The following EVA1C variants were observed in gnomAD, a reference collection of about 807,000 sequenced individuals.
EVA1C encodes the protein protein eva-1 homolog C.
EVA1C carries 25 observed loss-of-function variants against 45.4 expected under a neutral mutation model. That is an observed-to-expected ratio of 0.55 (90% CI 0.40 to 0.77). The LOEUF (loss-of-function observed/expected upper bound fraction) is 0.77. Ranked by LOEUF, EVA1C falls within the 30% of genes least tolerant of loss-of-function variation. The pLI is 0.00. For missense variants in EVA1C, 479 were observed against 554.8 expected (o/e 0.86, Z 1.37); for synonymous variants, 190 against 221.2 (o/e 0.86, Z 1.25).
intron 4 of EVA1C, among the ~76,000 whole-genome samples, chr21:32,490,944 A>T (rs2146388675): frequency 6.6e-6 from 1 of 152,324 alleles, no homozygotes; most frequent in East Asian, 1.9e-4. Flanking sequence ...TTCGTCCCAT[A>T]ATTCTTTGAG....
chr21:32,458,209 C>T (rs1020204299), intron 3 of EVA1C, among the ~76,000 whole-genome samples: 1 of 152,224 alleles, frequency 6.6e-6, no homozygotes, highest in Non-Finnish European at 1.5e-5. Context: ...GCAGGGGCTC[C>T]TTGTTCCCCA....
intron 4 of EVA1C, among the ~76,000 whole-genome samples, chr21:32,479,987 T>C (rs1390003541): frequency 6.6e-6 from 1 of 152,072 alleles, no homozygotes; most frequent in Non-Finnish European, 1.5e-5. Flanking sequence ...TCTGGATAAG[T>C]TTGGCAGTAT....
intron 1 of EVA1C, among the ~76,000 whole-genome samples, chr21:32,447,793 C>T (rs1205784029): frequency 1.3e-5 from 2 of 152,194 alleles, no homozygotes; most frequent in Non-Finnish European, 2.9e-5. Context: ...GCAACCTCTA[C>T]CTCCCAGATT....
intron 2 of EVA1C, among the ~76,000 whole-genome samples, chr21:32,455,891 CTT>C (rs1262503038): frequency 6.6e-6 from 1 of 152,040 alleles, no homozygotes; most frequent in Non-Finnish European, 1.5e-5. Context: ...ACTTTTGTGT[CTT>C]TTTTGTTTGT....
chr21:32,508,265 C>T (rs1456908898), intron 7 of EVA1C, among the ~76,000 whole-genome samples: 1 of 152,142 alleles, frequency 6.6e-6, no homozygotes, highest in East Asian at 1.9e-4. Context: ...CTTTTGTGGC[C>T]TAATATTTCC....
intron 3 of EVA1C, among the ~76,000 whole-genome samples, chr21:32,466,288 G>A (rs894974570): frequency 1.2e-4 from 18 of 151,922 alleles, no homozygotes; most frequent in South Asian, 2.1e-4. Flanking sequence ...ATGTGGTGGC[G>A]GGTGCCTGTA....
intron 4 of EVA1C, 148 bp downstream of exon 4, chr21:32,467,996 C>T (rs1354978591): frequency 2.9e-5 from 12 of 419,616 alleles, no homozygotes; most frequent in Non-Finnish European, 4.5e-5. Context: ...TAAGTTAATA[C>T]TTAATAAACT....
At chr21:32,430,495 C>T (rs1453571963) in intron 1 of EVA1C, among the ~76,000 whole-genome samples, 1 of 152,164 alleles carries the variant, frequency 6.6e-6, no homozygotes. Flanking sequence ...AGTCCATTCT[C>T]ACTCTGCTAA....
intron 4 of EVA1C, among the ~76,000 whole-genome samples, chr21:32,471,653 G>C: frequency 6.8e-6 from 1 of 147,380 alleles, no homozygotes; most frequent in African/African-American, 2.5e-5. Context: ...TTTTTAGACG[G>C]AGTCTTGCTC....
rs1301452469 is a variant in EVA1C, at chr21:32,497,442, T to C, written c.778+2272T>C. ...AGGTATGAAGGTACATATTATCTTA[T>C]TGGAGTCCTAATTAAAATATTTTTA... On this transcript the variant is annotated intron_variant, in intron 5 of 7. Coordinates refer to ENST00000300255, the MANE Select transcript of EVA1C (RefSeq NM_058187.5). The C allele has an allele frequency of 2.7e-5, 6 of 221,094 alleles. 1 individual carries two copies. The South Asian group carries it at 3.1e-4, about 12-fold the overall frequency. The allele number at this position is 221,094 out of a possible 1,614,324, so 13.7% of individuals were successfully genotyped here.
At chr21:32,417,469 C>A (rs2034094847) in intron 1 of EVA1C, among the ~76,000 whole-genome samples, 1 of 152,182 alleles carries the variant, frequency 6.6e-6, no homozygotes, top group African/African-American at 2.4e-5. Flanking sequence ...CAAATGATCT[C>A]ATTTTCATGT....
At chr21:32,512,572 G>A (rs1351259769) in intron 7 of EVA1C, among the ~76,000 whole-genome samples, 1 of 152,160 alleles carries the variant, frequency 6.6e-6, no homozygotes, top group East Asian at 1.9e-4. Flanking sequence ...ACTGGGAGAG[G>A]AGGGGAGGGG....
intron 3 of EVA1C, 76 bp downstream of exon 3, chr21:32,457,796 T>G: frequency 1.3e-6 from 2 of 1,561,870 alleles, no homozygotes; most frequent in Non-Finnish European, 1.8e-6. Context: ...CAAAATTCTC[T>G]GCCCGTTGGC....
intron 4 of EVA1C, among the ~76,000 whole-genome samples, chr21:32,472,011 G>GT (rs1300500588): frequency 6.6e-6 from 1 of 152,174 alleles, no homozygotes; most frequent in Non-Finnish European, 1.5e-5. Context: ...AGAAGCAGCA[G>GT]TAAGTAACAT....
chr21:32,413,149 T>C, intron 1 of EVA1C, 136 bp downstream of exon 1: 1 of 715,426 alleles, frequency 1.4e-6, no homozygotes, highest in Non-Finnish European at 2.0e-6. Context: ...ACTTGTCTGG[T>C]GTGAGCCCTT....
chr21:32,503,317 G>A (rs982066058), intron 6 of EVA1C, among the ~76,000 whole-genome samples: 1 of 152,156 alleles, frequency 6.6e-6, no homozygotes, highest in African/African-American at 2.4e-5. Flanking sequence ...AGGCCGAGGC[G>A]GGCAGATCAC....
At chr21:32,456,079 A>G (rs984191439) in intron 2 of EVA1C, among the ~76,000 whole-genome samples, 2 of 152,152 alleles carry the variant, frequency 1.3e-5, no homozygotes, top group Non-Finnish European at 2.9e-5. Context: ...TTTAGTAGAG[A>G]CAGGGTTTCA....
At chr21:32,416,000 A>T (rs1568852393) in intron 1 of EVA1C, among the ~76,000 whole-genome samples, 1 of 152,234 alleles carries the variant, frequency 6.6e-6, no homozygotes, top group Non-Finnish European at 1.5e-5. Flanking sequence ...AACAAACCCC[A>T]GAAGTATAAT....
At chr21:32,490,154 C>G (rs949695834) in intron 4 of EVA1C, among the ~76,000 whole-genome samples, 2 of 152,034 alleles carry the variant, frequency 1.3e-5, no homozygotes, top group African/African-American at 4.8e-5. Context: ...TAAGTATATT[C>G]ATATTGTTGT....
Sources: gnomAD v4.1 joint callset for allele counts (sites outside exome capture counted in the v4.1 genomes callset) on GRCh38, gnomAD v4.1.1 for gene constraint, MANE v1.5 for transcripts, NCBI Gene and HGNC (gene_info 2026-07-23, HGNC 2026-07-21) for gene names.